The following PRKN variants were observed in gnomAD, a reference collection of about 807,000 sequenced individuals.
The protein encoded by PRKN is E3 ubiquitin-protein ligase parkin.
In PRKN, 56 loss-of-function variants were observed where a neutral mutation model predicts 59.5. That is an observed-to-expected ratio of 0.94 (90% CI 0.76 to 1.18). The LOEUF is 1.18. Ranked by LOEUF, PRKN falls within the 50% of genes most tolerant of loss-of-function variation. PRKN has a pLI of 0.00. For missense variants in PRKN, 657 were observed against 596.4 expected, an observed-to-expected ratio of 1.10 and a Z score of -1.06; for synonymous variants, 250 against 222.1, an observed-to-expected ratio of 1.13 and a Z score of -1.12.
chr6:162,400,362 G>T (rs891279541), intron 2 of PRKN, among the ~76,000 whole-genome samples: 3 of 144,230 alleles, frequency 2.1e-5, no homozygotes, highest in African/African-American at 5.1e-5. Flanking sequence ...TGGAGCAAAA[G>T]AATCTTCTGG....
At chr6:161,750,118 TACACAC>T (rs955038865) in intron 7 of PRKN, among the ~76,000 whole-genome samples, 5 of 137,826 alleles carry the variant, frequency 3.6e-5, no homozygotes, top group East Asian at 2.5e-4. Flanking sequence ...TATATATATA[TACACAC>T]ACACACACAC....
intron 2 of PRKN, among the ~76,000 whole-genome samples, chr6:162,377,309 G>C (rs559550296): frequency 8.5e-5 from 13 of 152,322 alleles, no homozygotes; most frequent in African/African-American, 2.9e-4. Flanking sequence ...TACAGACAGA[G>C]AGGACTGGGC....
chr6:161,392,794 G>A (rs1420417611), intron 9 of PRKN, among the ~76,000 whole-genome samples: 1 of 151,654 alleles, frequency 6.6e-6, no homozygotes, highest in Non-Finnish European at 1.5e-5. Flanking sequence ...ATTTAATAGA[G>A]GCTAAATTCA....
At chr6:162,057,977 A>G (rs1394899462) in intron 4 of PRKN, among the ~76,000 whole-genome samples, 1 of 152,216 alleles carries the variant, frequency 6.6e-6, no homozygotes, top group African/African-American at 2.4e-5. Context: ...ATTACATGGC[A>G]AATTGCAAAT....
chr6:161,447,256 C>G lies in PRKN; in HGVS notation c.1084-60379G>C, dbSNP rs545133100. ...GCTTTTCCTGCGTGTCTAAATTCTTCGGTTCTCTCTGACATGCTCAATCTA... is the reference window on the plus strand; with the variant it reads ...GCTTTTCCTGCGTGTCTAAATTCTTGGGTTCTCTCTGACATGCTCAATCTA... On this transcript the variant is annotated intron_variant, in intron 9 of 11. Transcript: ENST00000366898. The surrounding 1 kb of genome is among the most constrained non-coding windows in gnomAD (Gnocchi z 4.1). 3.8e-4 allele frequency among the ~76,000 whole-genome samples: 58 copies of G among 152,280 alleles called. No individual in the cohort carries two copies. The highest frequency in any genetic ancestry group is 1.4e-3 in the African/African-American group (57 of 41,564).
chr6:162,703,035 C>T (rs902569798), intron 1 of PRKN, among the ~76,000 whole-genome samples: 1 of 152,066 alleles, frequency 6.6e-6, no homozygotes, highest in Non-Finnish European at 1.5e-5. Context: ...TTACCATAAG[C>T]TTTGATAGTA....
intron 2 of PRKN, among the ~76,000 whole-genome samples, chr6:162,318,256 C>T (rs758142781): frequency 4.6e-5 from 7 of 152,118 alleles, no homozygotes; most frequent in Middle Eastern, 3.4e-3. Context: ...TCCTTTTTAA[C>T]GGTGAATAAT....
At chr6:162,156,891 T>C (rs1370144175) in intron 4 of PRKN, among the ~76,000 whole-genome samples, 1 of 152,132 alleles carries the variant, frequency 6.6e-6, no homozygotes, top group Non-Finnish European at 1.5e-5. Context: ...CATGTGGCCC[T>C]ATCTGGGAGC....
At chr6:162,101,673 A>C in intron 4 of PRKN, among the ~76,000 whole-genome samples, 1 of 145,978 alleles carries the variant, frequency 6.9e-6, no homozygotes, top group South Asian at 2.2e-4. Context: ...CTCCGTCTCT[A>C]AAAAAAAAAA....
intron 1 of PRKN, among the ~76,000 whole-genome samples, chr6:162,605,011 G>A (rs901240948): frequency 6.6e-6 from 1 of 152,052 alleles, no homozygotes; most frequent in African/African-American, 2.4e-5. Flanking sequence ...TATGCAAAAT[G>A]AGGATTCATA....
intron 9 of PRKN, among the ~76,000 whole-genome samples, chr6:161,531,376 G>C (rs1191435242): frequency 7.4e-6 from 1 of 135,930 alleles, no homozygotes; most frequent in African/African-American, 2.9e-5. Flanking sequence ...GCGAGACTCC[G>C]TCTCAAAAAA....
At chr6:162,562,956 C>T (rs1256991178) in intron 1 of PRKN, among the ~76,000 whole-genome samples, 1 of 152,150 alleles carries the variant, frequency 6.6e-6, no homozygotes, top group Non-Finnish European at 1.5e-5. Flanking sequence ...TGTGTCACTC[C>T]ACCTCAAGCT....
At chr6:162,613,104 T>A (rs1478654481) in intron 1 of PRKN, among the ~76,000 whole-genome samples, 1 of 152,170 alleles carries the variant, frequency 6.6e-6, no homozygotes, top group African/African-American at 2.4e-5. Flanking sequence ...ATTAATAAAA[T>A]GCAATTTAGA....
rs369329351 is a variant in PRKN at position 162,348,137 on chromosome 6, G to A, written c.172-85372C>T. Among the ~76,000 whole-genome samples, 348 of 152,256 alleles carry A rather than the reference G, an allele frequency of 2.3e-3. 7 individuals carry two copies. The South Asian group carries it at 0.042, about 19-fold the overall frequency. On this transcript the variant is annotated intron_variant, in intron 2 of 11. Transcript: ENST00000366898. ...AGAGATAACAGTGTCAGGGACCCAC[G>A]AGGGTAAGGAACAGTGCCTCTTATA...
At chr6:162,539,313 T>TC (rs1489641647) in intron 1 of PRKN, among the ~76,000 whole-genome samples, 1 of 152,158 alleles carries the variant, frequency 6.6e-6, no homozygotes, top group African/African-American at 2.4e-5. Context: ...ATCAAGAAAA[T>TC]TAGACACATG....
At chr6:162,465,466 CATAA>C (rs1445489437) in intron 1 of PRKN, among the ~76,000 whole-genome samples, 1 of 152,116 alleles carries the variant, frequency 6.6e-6, no homozygotes, top group South Asian at 2.1e-4. Context: ...TCATGTTAGA[CATAA>C]ATAGTGTCAG....
intron 2 of PRKN, among the ~76,000 whole-genome samples, chr6:162,316,048 G>C (rs1782740333): frequency 6.6e-6 from 1 of 152,060 alleles, no homozygotes; most frequent in African/African-American, 2.4e-5. Context: ...GATGGCCCTG[G>C]AAGGGCATGG....
chr6:161,387,487 T>C (rs1786311957), intron 9 of PRKN, among the ~76,000 whole-genome samples: 1 of 152,202 alleles, frequency 6.6e-6, no homozygotes, highest in Non-Finnish European at 1.5e-5. Context: ...TTATCCAGTC[T>C]CGGGTATGTC....
chr6:162,599,368 C>T (rs1195718127), intron 1 of PRKN, among the ~76,000 whole-genome samples: 1 of 152,106 alleles, frequency 6.6e-6, no homozygotes, highest in Non-Finnish European at 1.5e-5. Flanking sequence ...TCCACCCGAC[C>T]TCACAAGCAG....
Sources: gnomAD v4.1 joint callset for allele counts (sites outside exome capture counted in the v4.1 genomes callset) on GRCh38, gnomAD v4.1.1 for gene constraint, Gnocchi (gnomAD v3.1) non-coding constraint, MANE v1.5 for transcripts, NCBI Gene and HGNC (gene_info 2026-07-23, HGNC 2026-07-21) for gene names.